Variants in PPAT observed in about 807,000 individuals in gnomAD.
PPAT encodes the protein amidophosphoribosyltransferase.
PPAT carries 20 observed loss-of-function variants against 60.2 expected under a neutral mutation model. The observed-to-expected ratio is 0.33, with a 90% confidence interval of 0.23 to 0.48. PPAT has a LOEUF of 0.48. Ranked by LOEUF, PPAT falls within the 20% of genes least tolerant of loss-of-function variation. PPAT has a pLI of 0.99. For missense variants in PPAT, 349 were observed against 629.6 expected, an observed-to-expected ratio of 0.55 and a Z score of 4.77; for synonymous variants, 194 against 215.1, an observed-to-expected ratio of 0.90 and a Z score of 0.86.
Position 56,395,331 on chromosome 4 carries a change from A to G in PPAT, c.*21T>C, listed in dbSNP as rs1715943916. The G allele has an allele frequency of 2.6e-6, 4 of 1,568,196 alleles. No homozygotes were observed. The highest frequency in any genetic ancestry group is 3.5e-6 in the Non-Finnish European group (4 of 1,153,060). On this transcript the variant is annotated 3_prime_UTR_variant, in exon 11 of 11. Transcript: ENST00000264220. ...TTGACCAACTTTCTATCTTGAAACT[A>G]CACACATCCAACCCTACCAGCTACC...
intron 10 of PPAT, 93 bp from the exon 11 acceptor site, chr4:56,395,641 A>ATCCT: frequency 2.2e-6 from 2 of 913,958 alleles, no homozygotes; most frequent in Non-Finnish European, 1.5e-6. Context: ...AGAATAATTT[A>ATCCT]AGCTAGGATA....
intron 1 of PPAT, chr4:56,422,135 G>A (rs1316684736): frequency 2.0e-5 from 3 of 152,124 alleles, no homozygotes; most frequent in Admixed American, 6.5e-5. Flanking sequence ...TTAGCTAGGT[G>A]TGGTGGCACA....
chr4:56,399,750 T>C, intron 8 of PPAT: 1 of 170,362 alleles, frequency 5.9e-6, no homozygotes, highest in East Asian at 1.7e-4. Context: ...TAAAAACCAG[T>C]AGACCAATGA....
At chr4:56,421,195 T>A (rs1364385332) in intron 1 of PPAT, 1 of 153,074 alleles carries the variant, frequency 6.5e-6, no homozygotes, top group Non-Finnish European at 1.5e-5. Flanking sequence ...GCAAGGGATC[T>A]AGGTTGTGTG....
chr4:56,426,572 C>T (rs184385330), intron 1 of PPAT, among the ~76,000 whole-genome samples: 42 of 152,262 alleles, frequency 2.8e-4, no homozygotes, highest in Admixed American at 1.6e-3. Flanking sequence ...TTTTGTTTCA[C>T]GGTTCATCCA....
At chr4:56,427,868 T>A (rs1038755043) in intron 1 of PPAT, among the ~76,000 whole-genome samples, 1 of 152,124 alleles carries the variant, frequency 6.6e-6, no homozygotes, top group South Asian at 2.1e-4. Context: ...ACAGAGAAGA[T>A]CTCTATTGTG....
chr4:56,400,639 TA>T, intron 8 of PPAT, 144 bp downstream of exon 8: 3 of 922,542 alleles, frequency 3.3e-6, no homozygotes, highest in Non-Finnish European at 3.0e-6. Context: ...GCCTGGAAAA[TA>T]AAAAACGCTT....
At chr4:56,405,106 AAAAG>A (rs1487357784) in intron 3 of PPAT, among the ~76,000 whole-genome samples, 5 of 152,198 alleles carry the variant, frequency 3.3e-5, no homozygotes, top group African/African-American at 9.6e-5. Context: ...AAAAAAAAAA[AAAAG>A]AAAGATGAAA....
chr4:56,409,222 T>A (rs1716342049), intron 1 of PPAT, among the ~76,000 whole-genome samples: 1 of 152,216 alleles, frequency 6.6e-6, no homozygotes, highest in Non-Finnish European at 1.5e-5. Flanking sequence ...GAAGTTACTT[T>A]CCCATTGTCA....
At chr4:56,414,927 C>T (rs191080553) in intron 1 of PPAT, among the ~76,000 whole-genome samples, 28 of 152,308 alleles carry the variant, frequency 1.8e-4, no homozygotes, top group Admixed American at 1.8e-3. Flanking sequence ...AAATTTTTGA[C>T]AATTTTTACC....
intron 3 of PPAT, among the ~76,000 whole-genome samples, chr4:56,403,816 T>C (rs1716178691): frequency 6.6e-6 from 1 of 152,148 alleles, no homozygotes; most frequent in Admixed American, 6.5e-5. Context: ...CATTAGCTTC[T>C]CATAAGGAGA....
At chr4:56,409,320 A>G (rs1290536685) in intron 1 of PPAT, among the ~76,000 whole-genome samples, 3 of 152,206 alleles carry the variant, frequency 2.0e-5, no homozygotes, top group Non-Finnish European at 4.4e-5. Flanking sequence ...TATAACCCCT[A>G]AATAGGGTTT....
At chr4:56,421,740 C>A (rs964755102) in intron 1 of PPAT, 2 of 152,194 alleles carry the variant, frequency 1.3e-5, no homozygotes, top group African/African-American at 4.8e-5. Flanking sequence ...ACATCTCCCC[C>A]AGTTAGATGA....
intron 1 of PPAT, among the ~76,000 whole-genome samples, chr4:56,424,885 A>G (rs1431379009): frequency 2.0e-5 from 3 of 152,218 alleles, no homozygotes; most frequent in African/African-American, 7.2e-5. Flanking sequence ...GGACAGTCAC[A>G]GTTAAACCTA....
At position 56,410,696 on chromosome 4, in the gene PPAT, G is replaced by A. The variant is rs1029872618; in HGVS notation, c.129-2980C>T. 6.1e-6 allele frequency: 6 copies of A among 986,250 alleles called. No homozygotes were observed. The African/African-American group carries it at 1.0e-4, about 17-fold the overall frequency. The allele number at this position is 986,250 out of a possible 1,614,324, so 61.1% of individuals were successfully genotyped here. On this transcript the variant is annotated intron_variant, in intron 1 of 10. Coordinates refer to ENST00000264220, the MANE Select transcript of PPAT (RefSeq NM_002703.5). ...ATACAGAGACTGGAAACAGTGCTGG[G>A]CTAAGTACAAAAATCTCAAATATGA... is the stretch of plus-strand genomic sequence containing the variant.
In PPAT at chr4:56,396,580, C is replaced by A; in HGVS notation, c.1357+39G>T. 6.4e-7 allele frequency: 1 copy of A among 1,553,724 alleles called. No homozygotes were observed. The highest frequency in any genetic ancestry group is 8.8e-7 in the Non-Finnish European group (1 of 1,134,038). On this transcript the variant is annotated intron_variant, in intron 10 of 10. Coordinates refer to ENST00000264220, the MANE Select transcript of PPAT (RefSeq NM_002703.5). This position sits in a 1 kb window ranked among gnomAD's most constrained non-coding sequence, Gnocchi z 4.6. Reference sequence around the variant, plus strand: ...AAGACTGTCAAGCTTTGGATTTTCTCTGTTAATAATCAAAGTTTATAGAAA... The same window carrying A: ...AAGACTGTCAAGCTTTGGATTTTCTATGTTAATAATCAAAGTTTATAGAAA...
At chr4:56,422,579 C>A (rs959223901) in intron 1 of PPAT, 1 of 151,350 alleles carries the variant, frequency 6.6e-6, no homozygotes, top group African/African-American at 2.4e-5. Flanking sequence ...GTGTTCCTCC[C>A]ACCAATATTC....
intron 8 of PPAT, chr4:56,400,461 A>C (rs542827637): frequency 2.2e-5 from 4 of 184,904 alleles, no homozygotes; most frequent in Non-Finnish European, 1.1e-5. Context: ...TTGACTGTGC[A>C]GAGGGTTGGC....
intron 1 of PPAT, 74 bp from the exon 2 acceptor site, chr4:56,407,790 C>T: frequency 8.5e-7 from 1 of 1,177,158 alleles, no homozygotes; most frequent in Non-Finnish European, 1.3e-6. Context: ...ATCAAGCATA[C>T]TTTCTCAACA....
Sources: gnomAD v4.1 joint callset for allele counts (sites outside exome capture counted in the v4.1 genomes callset) on GRCh38, gnomAD v4.1.1 for gene constraint, Gnocchi (gnomAD v3.1) non-coding constraint, MANE v1.5 for transcripts, NCBI Gene and HGNC (gene_info 2026-07-23, HGNC 2026-07-21) for gene names.